HS3ST5: variants seen among roughly 807,000 people sequenced by gnomAD.
HS3ST5 encodes heparan sulfate glucosamine 3-O-sulfotransferase 5.
Under a neutral mutation model 25.4 loss-of-function variants are expected in HS3ST5, and 10 were observed. That is an observed-to-expected ratio of 0.39 (90% CI 0.24 to 0.67). The LOEUF is 0.67. HS3ST5 is among the 30% of genes least tolerant of loss of function. HS3ST5 has a pLI of 0.44. For missense variants in HS3ST5, 324 were observed against 420.7 expected (o/e 0.77, Z 2.01); for synonymous variants, 170 against 162.4 (o/e 1.05, Z -0.36).
chr6:114,148,663 A>G (rs1778291942), intron 3 of HS3ST5, among the ~76,000 whole-genome samples: 1 of 152,096 alleles, frequency 6.6e-6, no homozygotes, highest in Admixed American at 6.6e-5. Flanking sequence ...CGTAGGCAAT[A>G]CCATTCAGGA....
chr6:114,265,291 G>C (rs1211714193), intron 1 of HS3ST5, among the ~76,000 whole-genome samples: 1 of 152,164 alleles, frequency 6.6e-6, no homozygotes, highest in Non-Finnish European at 1.5e-5. Context: ...ACTCTGCTGA[G>C]AGGTCTAAAA....
At chr6:114,336,200 A>G (rs2114932549) in intron 1 of HS3ST5, among the ~76,000 whole-genome samples, 1 of 152,364 alleles carries the variant, frequency 6.6e-6, no homozygotes, top group Non-Finnish European at 1.5e-5. Flanking sequence ...CAGCAGTATC[A>G]ATTACTACTT....
intron 3 of HS3ST5, among the ~76,000 whole-genome samples, chr6:114,116,795 T>C (rs1206516982): frequency 6.6e-6 from 1 of 152,154 alleles, no homozygotes; most frequent in Non-Finnish European, 1.5e-5. Context: ...AATGGCTTAC[T>C]TCACCTTAAT....
At chr6:114,161,546 T>TATATATATAC in intron 3 of HS3ST5, among the ~76,000 whole-genome samples, 1 of 84,102 alleles carries the variant, frequency 1.2e-5, no homozygotes, top group Non-Finnish European at 2.7e-5. Context: ...TATATATATA[T>TATATATATAC]ATATATATAT....
intron 1 of HS3ST5, chr6:114,282,106 T>C (rs1158387800): frequency 2.0e-5 from 3 of 152,034 alleles, no homozygotes; most frequent in African/African-American, 4.8e-5. Context: ...TTTATGGGTA[T>C]GTATAATAAA....
intron 3 of HS3ST5, among the ~76,000 whole-genome samples, chr6:114,152,567 C>T (rs575138270): frequency 3.3e-5 from 5 of 152,140 alleles, no homozygotes; most frequent in Admixed American, 6.5e-5. Flanking sequence ...TGAAAGCTCC[C>T]GGCAACTCTA....
At chr6:114,083,744 T>C (rs7758551) in intron 3 of HS3ST5, among the ~76,000 whole-genome samples, 5,162 of 152,312 alleles carry the variant, frequency 0.034, 131 homozygotes, top group African/African-American at 0.072. Flanking sequence ...TTTTAAAAAT[T>C]TGGGGAAATT....
intron 3 of HS3ST5, among the ~76,000 whole-genome samples, chr6:114,145,264 A>G (rs1232095415): frequency 1.3e-5 from 2 of 152,202 alleles, no homozygotes; most frequent in Non-Finnish European, 2.9e-5. Context: ...TTGCTAAAAC[A>G]AAACAAAAAA....
intron 3 of HS3ST5, among the ~76,000 whole-genome samples, chr6:114,074,556 C>T (rs1774008563): frequency 6.6e-6 from 1 of 152,150 alleles, no homozygotes; most frequent in African/African-American, 2.4e-5. Context: ...TAGCCTCCCT[C>T]TCTATTCTGC....
chr6:114,068,240 C>T (rs1271119695), intron 3 of HS3ST5, among the ~76,000 whole-genome samples: 1 of 152,018 alleles, frequency 6.6e-6, no homozygotes, highest in Admixed American at 6.6e-5. Context: ...GTCAATATTT[C>T]TCTTCTTGAG....
chr6:114,181,238 T>C (rs949502193), intron 2 of HS3ST5, among the ~76,000 whole-genome samples: 2 of 152,244 alleles, frequency 1.3e-5, no homozygotes, highest in African/African-American at 2.4e-5. Flanking sequence ...TCCCTCTTTC[T>C]ATCTGTGTGA....
intron 1 of HS3ST5, among the ~76,000 whole-genome samples, chr6:114,271,925 T>C (rs7757437): frequency 0.038 from 5,736 of 152,176 alleles, 163 homozygotes; most frequent in African/African-American, 0.08. Flanking sequence ...TCTTCCATCT[T>C]TCCTGGCATG....
intron 3 of HS3ST5, among the ~76,000 whole-genome samples, chr6:114,145,162 C>T (rs1336202276): frequency 6.6e-6 from 1 of 152,214 alleles, no homozygotes; most frequent in Non-Finnish European, 1.5e-5. Context: ...GTCCACATTC[C>T]TACAAGCCCC....
chr6:114,143,491 C>T (rs1157439541), intron 3 of HS3ST5: 1 of 152,094 alleles, frequency 6.6e-6, no homozygotes, highest in Non-Finnish European at 1.5e-5. Context: ...CATTACTATT[C>T]CAATACTAGC....
intron 1 of HS3ST5, among the ~76,000 whole-genome samples, chr6:114,292,340 A>ATCC (rs1289682593): frequency 2.0e-5 from 3 of 152,184 alleles, no homozygotes; most frequent in Non-Finnish European, 4.4e-5. Context: ...AGAAGGTGGA[A>ATCC]GGGCAAGAGA....
intron 2 of HS3ST5, among the ~76,000 whole-genome samples, chr6:114,205,396 T>C (rs1257873641): frequency 6.6e-6 from 1 of 152,058 alleles, no homozygotes; most frequent in Non-Finnish European, 1.5e-5. Context: ...AAGAGAGGCA[T>C]AGGGGAAGAT....
chr6:114,272,311 G>A (rs1430845895), intron 1 of HS3ST5, among the ~76,000 whole-genome samples: 2 of 152,060 alleles, frequency 1.3e-5, no homozygotes, highest in Admixed American at 6.6e-5. Flanking sequence ...GTTAATTACT[G>A]GATGATCACC....
At position 114,057,053 on chromosome 6, in the gene HS3ST5, G is replaced by T; in HGVS notation, c.*204C>A. ...CTTTTGTAAATAGCTTAAAAGATGC[G>T]ACTATGCAGACAGCAATTTTTTTTT... On this transcript the variant is annotated 3_prime_UTR_variant, in exon 5 of 5. Coordinates refer to ENST00000312719, the MANE Select transcript of HS3ST5 (RefSeq NM_153612.4). 2.1e-6 allele frequency: 1 copy of T among 478,694 alleles called. No individual in the cohort carries two copies. Among genetic ancestry groups the T allele is most frequent in the Admixed American group, 3.6e-5 (1 of 27,428 alleles). 29.7% of individuals were successfully genotyped at this position (478,694 alleles called of 1,614,324 possible).
chr6:114,333,958 C>T (rs1450459508), intron 1 of HS3ST5, among the ~76,000 whole-genome samples: 3 of 152,092 alleles, frequency 2.0e-5, no homozygotes, highest in African/African-American at 7.2e-5. Context: ...CATCTGCAAG[C>T]CCATCAGTCC....
Sources: gnomAD v4.1 joint callset for allele counts (sites outside exome capture counted in the v4.1 genomes callset) on GRCh38, gnomAD v4.1.1 for gene constraint, MANE v1.5 for transcripts, NCBI Gene and HGNC (gene_info 2026-07-23, HGNC 2026-07-21) for gene names.